The following BSDC1 variants were observed in gnomAD, a reference collection of about 807,000 sequenced individuals.
The protein encoded by BSDC1 is BSD domain-containing protein 1.
In BSDC1, 29 loss-of-function variants were observed where a neutral mutation model predicts 56.0. That is an observed-to-expected ratio of 0.52 (90% CI 0.39 to 0.71). The LOEUF (loss-of-function observed/expected upper bound fraction) is 0.71, where lower values mean the gene tolerates loss of function less well. Among genes scored for constraint, BSDC1 ranks in the 30% least tolerant of loss-of-function variants. BSDC1 has a pLI of 0.00. For synonymous variants in BSDC1, 210 were observed against 215.3 expected (o/e 0.98, Z 0.21); for missense variants, 477 against 548.5 (o/e 0.87, Z 1.30).
At chr1:32,372,375 C>T (rs1642122627) in intron 9 of BSDC1, among the ~76,000 whole-genome samples, 2 of 152,238 alleles carry the variant, frequency 1.3e-5, no homozygotes, top group African/African-American at 4.8e-5. Flanking sequence ...GTGGCCATGA[C>T]AGCTTTCCCT....
rs1177924845 is a variant in BSDC1, at chr1:32,378,489, C to T, written c.529-206G>A. 1.3e-5 allele frequency among the ~76,000 whole-genome samples: 2 copies of T among 152,198 alleles called. No individual in the cohort carries two copies. The highest frequency in any genetic ancestry group is 2.1e-4 in the South Asian group (1 of 4,838). ...GGTTGGCCAAGGAGTGAGAAAAGAA[C>T]TCCCATCAGGCTTTGCTGGCCCTTC... is the stretch of plus-strand genomic sequence containing the variant. On this transcript the variant is annotated intron_variant, in intron 6 of 10. Transcript: ENST00000455895. The surrounding 1 kb of genome is among the most constrained non-coding windows in gnomAD (Gnocchi z 5.2).
At chr1:32,381,736 C>G (rs1190830307) in intron 4 of BSDC1, among the ~76,000 whole-genome samples, 2 of 152,186 alleles carry the variant, frequency 1.3e-5, no homozygotes, top group Non-Finnish European at 2.9e-5. Flanking sequence ...ACTTAGCTGG[C>G]AAAGACAAAG....
chr1:32,381,396 G>A, intron 4 of BSDC1, 128 bp from the exon 5 acceptor site: 1 of 900,310 alleles, frequency 1.1e-6, no homozygotes, highest in Non-Finnish European at 1.8e-6. Context: ...TACCCCCAGG[G>A]CATCTGTTAA....
At chr1:32,379,614 T>C (rs759746002) in intron 5 of BSDC1, among the ~76,000 whole-genome samples, 1 of 152,194 alleles carries the variant, frequency 6.6e-6, no homozygotes. Flanking sequence ...TTTTGAGAGA[T>C]AGAGGCTTGC....
In BSDC1 at chr1:32,379,146, A is replaced by G. The variant is rs564627873; in HGVS notation, c.413-307T>C. 1.6e-4 allele frequency among the ~76,000 whole-genome samples: 24 copies of G among 152,220 alleles called. No individual in the cohort carries two copies. The South Asian group carries it at 5.0e-3, about 32-fold the overall frequency. On this transcript the variant is annotated intron_variant, in intron 5 of 10. Coordinates refer to ENST00000455895, the MANE Select transcript of BSDC1 (RefSeq NM_018045.8). Reference sequence around the variant, plus strand: ...TCTCATGACCCCAGCTGCCAAAGCCAACATCTATTTCTCTGTCTTCCCTCG... The same window carrying G: ...TCTCATGACCCCAGCTGCCAAAGCCGACATCTATTTCTCTGTCTTCCCTCG...
At position 32,368,471 on chromosome 1, in the gene BSDC1, A is replaced by C; in HGVS notation, c.1236T>G (p.Leu412=). ...DMTEEEVQMA[L]SKVDASGELE... is the part of the protein sequence containing the mutation. ...CCTCCCCGGAGGCATCCACTTTGGA[A>C]AGTGCCATCTGCACCTCCTCTTCAG... Residue 412 remains leucine (L), a synonymous_variant, in exon 10 of 11, where the codon CTT becomes CTG. Coordinates refer to ENST00000455895, the MANE Select transcript of BSDC1 (RefSeq NM_018045.8). 6.2e-7 allele frequency: 1 copy of C among 1,614,112 alleles called. No homozygotes were observed. Among genetic ancestry groups the C allele is most frequent in the Non-Finnish European group, 8.5e-7 (1 of 1,180,002 alleles).
At position 32,376,425 on chromosome 1, in the gene BSDC1, A is replaced by AGG; in HGVS notation, c.991_992dup (p.Ile332LeufsTer7). 2 of 1,613,614 alleles carry AGG rather than the reference A, an allele frequency of 1.2e-6. No homozygotes were observed. The highest frequency in any genetic ancestry group is 1.7e-6 in the Non-Finnish European group (2 of 1,179,578). Reference sequence around the variant, plus strand: ...CAGGCGTTAGGGGCTTGGAGTGAATAGGGGGTGAGGGTCCAGTCTCACCCA... The same window carrying AGG: ...CAGGCGTTAGGGGCTTGGAGTGAATAGGGGGGGTGAGGGTCCAGTCTCACCCA... On this transcript the variant is annotated frameshift_variant, in exon 9 of 11. Transcript: ENST00000455895. LOFTEE classifies it high-confidence loss of function.
intron 3 of BSDC1, among the ~76,000 whole-genome samples, chr1:32,385,462 C>T (rs1013903157): frequency 9.2e-5 from 14 of 152,194 alleles, no homozygotes; most frequent in African/African-American, 3.4e-4. Context: ...CACGGTGGCT[C>T]ATGCCTGTAA....
At chr1:32,387,015 G>A (rs994160712) in intron 2 of BSDC1, 120 bp from the exon 3 acceptor site, 50 of 747,918 alleles carry the variant, frequency 6.7e-5, no homozygotes, top group South Asian at 3.8e-4. Context: ...GGGGAGCTTC[G>A]GCTCAGAAAC....
chr1:32,390,243 G>A (rs1360642889), intron 2 of BSDC1, among the ~76,000 whole-genome samples: 2 of 152,174 alleles, frequency 1.3e-5, no homozygotes, highest in African/African-American at 2.4e-5. Flanking sequence ...GTCCAGAGGC[G>A]AGAAGATTAG....
chr1:32,371,248 A>G (rs988245282), intron 9 of BSDC1, among the ~76,000 whole-genome samples: 2 of 151,540 alleles, frequency 1.3e-5, no homozygotes, highest in African/African-American at 2.4e-5. Flanking sequence ...TGATGAGTTC[A>G]TGAGGTGATT....
intron 2 of BSDC1, among the ~76,000 whole-genome samples, chr1:32,388,520 A>T (rs1557655782): frequency 6.6e-6 from 1 of 152,022 alleles, no homozygotes; most frequent in Non-Finnish European, 1.5e-5. Context: ...CCTTTACTTC[A>T]TTCTCCTTAT....
intron 5 of BSDC1, among the ~76,000 whole-genome samples, chr1:32,379,299 G>A (rs965710856): frequency 4.0e-5 from 6 of 151,704 alleles, no homozygotes; most frequent in South Asian, 2.1e-4. Context: ...TGGGCTTCTC[G>A]TTTTCCTTTC....
At chr1:32,393,939 G>C in intron 2 of BSDC1, 141 bp downstream of exon 2, 1 of 723,920 alleles carries the variant, frequency 1.4e-6, no homozygotes, top group East Asian at 2.7e-5. Context: ...CCGTGGACCG[G>C]TAGAGGCTAA....
intron 2 of BSDC1, among the ~76,000 whole-genome samples, chr1:32,388,953 TTTTC>T (rs1642765595): frequency 6.6e-6 from 1 of 151,590 alleles, no homozygotes; most frequent in Non-Finnish European, 1.5e-5. Context: ...TTCTTCTTTT[TTTTC>T]TTTTTTTTTT....
intron 10 of BSDC1, chr1:32,368,048 CA>C: frequency 1.2e-6 from 1 of 856,500 alleles, no homozygotes; most frequent in Admixed American, 6.8e-5. Context: ...TTTTTTTTTT[CA>C]AAAACAGAAA....
At chr1:32,393,399 C>T (rs907052663) in intron 2 of BSDC1, among the ~76,000 whole-genome samples, 1 of 152,220 alleles carries the variant, frequency 6.6e-6, no homozygotes, top group African/African-American at 2.4e-5. Context: ...GTGTATGGCT[C>T]ATGCTCATCT....
chr1:32,386,477 T>G (rs1642676258), intron 3 of BSDC1: 1 of 296,858 alleles, frequency 3.4e-6, no homozygotes, highest in East Asian at 8.4e-5. Context: ...TCTCTCTCTC[T>G]CTTCCTTTTC....
intron 9 of BSDC1, among the ~76,000 whole-genome samples, chr1:32,370,855 G>C (rs1570104317): frequency 7.3e-6 from 1 of 137,068 alleles, no homozygotes; most frequent in Non-Finnish European, 1.5e-5. Flanking sequence ...CACATCATTT[G>C]TTTACATACT....
Sources: allele counts gnomAD v4.1 joint callset (sites outside exome capture counted in the v4.1 genomes callset), GRCh38; gene constraint gnomAD v4.1.1; non-coding constraint Gnocchi (gnomAD v3.1); transcripts MANE v1.5; gene names NCBI Gene and HGNC (gene_info 2026-07-23, HGNC 2026-07-21).